Variants in KLHL6 observed in about 807,000 individuals in gnomAD.
KLHL6 encodes kelch-like protein 6.
A neutral mutation model predicts 58.6 loss-of-function variants in KLHL6; 41 were observed. The ratio of observed to expected loss-of-function variants is 0.70; its 90% CI spans 0.55 to 0.91. The LOEUF is 0.91. Ranked by LOEUF, KLHL6 falls within the 40% of genes least tolerant of loss-of-function variation. The probability of loss-of-function intolerance (pLI) is 0.00; values close to 1 mark genes in which losing one functional copy is unlikely to be tolerated. For missense variants in KLHL6, 714 were observed against 805.6 expected (o/e 0.89, Z 1.38); for synonymous variants, 338 against 322.7 (o/e 1.05, Z -0.51).
chr3:183,546,708 A>C (rs1334334132), intron 1 of KLHL6, among the ~76,000 whole-genome samples: 1 of 152,212 alleles, frequency 6.6e-6, no homozygotes, highest in African/African-American at 2.4e-5. Context: ...ATTACCACGC[A>C]TAAAGTGTTG....
chr3:183,514,368 C>T (rs1005444064), intron 2 of KLHL6, among the ~76,000 whole-genome samples: 8 of 152,056 alleles, frequency 5.3e-5, no homozygotes, highest in African/African-American at 1.9e-4. Flanking sequence ...CAATTGCACC[C>T]ATCTCCTCAC....
chr3:183,492,080 C>T lies in KLHL6; in HGVS notation c.1713G>A (p.Glu571=), dbSNP rs1717575905. The change falls in exon 7 of 7, where the codon GAG becomes GAA. Residue 571 remains glutamate (E), a synonymous_variant. Coordinates refer to ENST00000341319, the MANE Select transcript of KLHL6 (RefSeq NM_130446.4). The surrounding 1 kb of genome is among the most constrained non-coding windows in gnomAD (Gnocchi z 5.9). ...YITGGRDEKN[E]VIATVLCWDP... ...CCCAGCACAGCACCGTGGCGATAAC[C>T]TCGTTCTTCTCGTCCCGCCCGCCGG... 2.5e-6 allele frequency: 4 copies of T among 1,613,914 alleles called. No individual in the cohort carries two copies. Among genetic ancestry groups the T allele is most frequent in the Non-Finnish European group, 3.4e-6 (4 of 1,180,016 alleles).
chr3:183,543,103 G>A (rs1243295765), intron 1 of KLHL6, among the ~76,000 whole-genome samples: 1 of 152,116 alleles, frequency 6.6e-6, no homozygotes, highest in Non-Finnish European at 1.5e-5. Context: ...GACCAGCCTG[G>A]CCAACATGGC....
intron 2 of KLHL6, among the ~76,000 whole-genome samples, chr3:183,509,060 C>A (rs1423495752): frequency 6.6e-6 from 1 of 152,120 alleles, no homozygotes; most frequent in African/African-American, 2.4e-5. Flanking sequence ...CTCTACTGAA[C>A]AACTTGTTCA....
At chr3:183,536,301 C>T (rs1712363745) in intron 1 of KLHL6, among the ~76,000 whole-genome samples, 1 of 152,234 alleles carries the variant, frequency 6.6e-6, no homozygotes, top group South Asian at 2.1e-4. Flanking sequence ...TCTGAATTGT[C>T]CCACCAGGAG....
chr3:183,552,738 A>T (rs923933994), intron 1 of KLHL6, among the ~76,000 whole-genome samples: 1 of 151,250 alleles, frequency 6.6e-6, no homozygotes. Flanking sequence ...AAAAAAAAAA[A>T]AAAAGAAAGC....
At chr3:183,544,683 C>G (rs1712658846) in intron 1 of KLHL6, 1 of 151,918 alleles carries the variant, frequency 6.6e-6, no homozygotes, top group African/African-American at 2.4e-5. Flanking sequence ...GTGATTCAGG[C>G]GGGAGCTCTC....
chr3:183,533,393 G>A (rs1712223193), intron 1 of KLHL6, among the ~76,000 whole-genome samples: 1 of 147,554 alleles, frequency 6.8e-6, no homozygotes, highest in Non-Finnish European at 1.5e-5. Context: ...CTTCCCTCAG[G>A]CTCCCCAGTA....
At chr3:183,501,922 G>A (rs1446195144) in intron 3 of KLHL6, among the ~76,000 whole-genome samples, 1 of 152,174 alleles carries the variant, frequency 6.6e-6, no homozygotes, top group East Asian at 1.9e-4. Context: ...GGCAGGAACA[G>A]CCCTTTTTCT....
chr3:183,550,890 G>A (rs13324255), intron 1 of KLHL6, among the ~76,000 whole-genome samples: 15,595 of 152,156 alleles, frequency 0.1, 1,221 homozygotes, highest in African/African-American at 0.22. Context: ...GGAGGCCAAG[G>A]TGGGTGGATC....
Position 183,499,725 on chromosome 3 carries a change from T to C in KLHL6, c.1012A>G (p.Thr338Ala), listed in dbSNP as rs1451148825. The C allele has an allele frequency of 6.2e-7, 1 of 1,611,282 alleles. No individual in the cohort carries two copies. Among genetic ancestry groups the C allele is most frequent in the African/African-American group, 1.3e-5 (1 of 74,924 alleles). Residue 338 changes from threonine to alanine, a missense_variant, in exon 4 of 7, where the codon ACC becomes GCC. By Grantham distance (58) the Thr-to-Ala change is moderately conservative. This residue lies in a region of KLHL6 where 510 missense variants were observed against 629.7 expected (regional missense o/e 0.81). Transcript: ENST00000341319. The surrounding 1 kb of genome is among the most constrained non-coding windows in gnomAD (Gnocchi z 4.6). ...CTGCGCCTCAGGGGGTCCAGGCAGGTCACCTCTGCCACAAACCGTTCATCC... is the reference window on the plus strand; with the variant it reads ...CTGCGCCTCAGGGGGTCCAGGCAGGCCACCTCTGCCACAAACCGTTCATCC... ...TKDERFVAEVTCLDPLRRSRL... is the reference protein window; with the variant it reads ...TKDERFVAEVACLDPLRRSRL...
intron 1 of KLHL6, among the ~76,000 whole-genome samples, chr3:183,533,813 A>G (rs16857724): frequency 0.043 from 6,487 of 151,634 alleles, 447 homozygotes; most frequent in African/African-American, 0.15. Context: ...GTTTTAATCA[A>G]TGGTAACCCT....
At chr3:183,537,684 C>G (rs1712410071) in intron 1 of KLHL6, among the ~76,000 whole-genome samples, 1 of 152,172 alleles carries the variant, frequency 6.6e-6, no homozygotes, top group African/African-American at 2.4e-5. Context: ...GCCACAAACA[C>G]TGCCTGGCCA....
chr3:183,507,782 C>A (rs1718051328), intron 3 of KLHL6, among the ~76,000 whole-genome samples: 1 of 152,112 alleles, frequency 6.6e-6, no homozygotes, highest in South Asian at 2.1e-4. Context: ...AACCTCCCAC[C>A]CTTCCACAAC....
At chr3:183,511,888 A>G (rs778983498) in intron 2 of KLHL6, among the ~76,000 whole-genome samples, 14 of 152,060 alleles carry the variant, frequency 9.2e-5, no homozygotes, top group South Asian at 2.1e-4. Context: ...TTCCCTTTCT[A>G]CATAGACACA....
rs1577172407 is a variant in KLHL6, at chr3:183,491,752, G to T, written c.*175C>A. On this transcript the variant is annotated 3_prime_UTR_variant, in exon 7 of 7. Coordinates refer to ENST00000341319, the MANE Select transcript of KLHL6 (RefSeq NM_130446.4). ...GTAGGTCATGCAAACATTCCTGGCC[G>T]GTCTCAAGTGACCCCAAACTGTGAC... is the stretch of plus-strand genomic sequence containing the variant. The T allele has an allele frequency of 1.2e-5, 6 of 486,086 alleles. No individual in the cohort carries two copies. The East Asian group carries it at 2.0e-4, about 17-fold the overall frequency. 30.1% of individuals were successfully genotyped at this position (486,086 alleles called of 1,614,324 possible). A position where few individuals can be genotyped will look rare whatever the true frequency, so the allele number is the denominator to read the frequency against.
At chr3:183,506,829 A>AAAATAAAT (rs144672351) in intron 3 of KLHL6, among the ~76,000 whole-genome samples, 19 of 143,714 alleles carry the variant, frequency 1.3e-4, no homozygotes, top group East Asian at 2.0e-4. Context: ...CCTCCTCTCA[A>AAAATAAAT]AAATAAATAA....
chr3:183,515,948 T>A (rs1000246774), intron 2 of KLHL6, among the ~76,000 whole-genome samples: 3 of 152,250 alleles, frequency 2.0e-5, no homozygotes, highest in African/African-American at 7.2e-5. Context: ...GTATTTTATT[T>A]AACAGGTAAA....
At chr3:183,533,628 G>T (rs1326195463) in intron 1 of KLHL6, among the ~76,000 whole-genome samples, 1 of 151,950 alleles carries the variant, frequency 6.6e-6, no homozygotes, top group East Asian at 1.9e-4. Context: ...ACTGTTTATG[G>T]CTTCCCAGAA....
Sources: allele counts gnomAD v4.1 joint callset (sites outside exome capture counted in the v4.1 genomes callset), GRCh38; gene constraint gnomAD v4.1.1; regional missense constraint gnomAD v4.1.1; non-coding constraint Gnocchi (gnomAD v3.1); transcripts MANE v1.5; gene names NCBI Gene and HGNC (gene_info 2026-07-23, HGNC 2026-07-21).